Variants in TAS2R1 observed in about 807,000 individuals in gnomAD.
TAS2R1 encodes the protein taste 2 receptor member 1.
For synonymous variants in TAS2R1, 141 were observed against 134.2 expected (o/e 1.05, Z -0.35); for missense variants, 370 against 353.4 (o/e 1.05, Z -0.38).
intron 1 of TAS2R1, among the ~76,000 whole-genome samples, chr5:9,688,183 C>T (rs369900721): frequency 1.7e-4 from 26 of 152,220 alleles, no homozygotes; most frequent in East Asian, 1.4e-3. Flanking sequence ...AGAACCCATG[C>T]GATTTGACAT....
chr5:9,801,210 A>G, the TAS2R1 span, among the ~76,000 whole-genome samples: 2 of 152,228 alleles, frequency 1.3e-5, no homozygotes, highest in Non-Finnish European at 2.9e-5. Flanking sequence ...TCTTCTCTCC[A>G]CCATGTGAGG....
chr5:9,669,071 T>C (rs1211594146), intron 1 of TAS2R1, among the ~76,000 whole-genome samples: 1 of 152,120 alleles, frequency 6.6e-6, no homozygotes, highest in African/African-American at 2.4e-5. Flanking sequence ...AGAGAAACAC[T>C]GGCAAAGCAA....
At chr5:9,731,136 T>G in the TAS2R1 span, among the ~76,000 whole-genome samples, 1 of 151,922 alleles carries the variant, frequency 6.6e-6, no homozygotes, top group Admixed American at 6.5e-5. Context: ...CCACCTCCCC[T>G]CCCTGACCTG....
At chr5:9,754,392 T>G in the TAS2R1 span, among the ~76,000 whole-genome samples, 3 of 152,156 alleles carry the variant, frequency 2.0e-5, no homozygotes, top group Non-Finnish European at 4.4e-5. Flanking sequence ...AACATAGTCT[T>G]GGAAGTTCTG....
At chr5:9,636,242 G>A (rs1047773450) in intron 2 of TAS2R1, among the ~76,000 whole-genome samples, 4 of 152,032 alleles carry the variant, frequency 2.6e-5, no homozygotes, top group African/African-American at 9.7e-5. Context: ...TATTTGTATA[G>A]TTTTGAGAGT....
At chr5:9,768,455 G>A in the TAS2R1 span, among the ~76,000 whole-genome samples, 1 of 152,140 alleles carries the variant, frequency 6.6e-6, no homozygotes, top group Non-Finnish European at 1.5e-5. Context: ...TGACTTCCTA[G>A]GTCAGCGCTG....
At chr5:9,761,519 C>G in the TAS2R1 span, among the ~76,000 whole-genome samples, 1 of 152,048 alleles carries the variant, frequency 6.6e-6, no homozygotes, top group East Asian at 1.9e-4. Context: ...CTTGAAAACT[C>G]CAGAAGGATA....
At chr5:9,674,324 C>A (rs1291142412) in intron 1 of TAS2R1, among the ~76,000 whole-genome samples, 2 of 152,064 alleles carry the variant, frequency 1.3e-5, no homozygotes, top group African/African-American at 4.8e-5. Context: ...TTATGATAAA[C>A]AATAGTATAT....
chr5:9,844,933 CA>C, the TAS2R1 span, among the ~76,000 whole-genome samples: 2 of 152,132 alleles, frequency 1.3e-5, no homozygotes, highest in African/African-American at 4.8e-5. Flanking sequence ...TGTCAATTGT[CA>C]TCAAAAATTT....
intron 2 of TAS2R1, among the ~76,000 whole-genome samples, chr5:9,646,367 T>C (rs183209728): frequency 6.6e-6 from 1 of 152,284 alleles, no homozygotes; most frequent in East Asian, 1.9e-4. Context: ...AGAATGTCTT[T>C]GGCATTGACT....
the TAS2R1 span, among the ~76,000 whole-genome samples, chr5:9,730,533 C>CGCAT: frequency 2.0e-5 from 3 of 152,174 alleles, no homozygotes; most frequent in African/African-American, 7.2e-5. Flanking sequence ...CCTGGGGCAT[C>CGCAT]GCATGTCCCA....
At chr5:9,873,696 G>A in the TAS2R1 span, among the ~76,000 whole-genome samples, 8 of 151,808 alleles carry the variant, frequency 5.3e-5, no homozygotes, top group East Asian at 5.8e-4. Flanking sequence ...GTGAAACCCC[G>A]TCTCTACTAA....
At chr5:9,880,468 T>C in the TAS2R1 span, among the ~76,000 whole-genome samples, 11 of 152,252 alleles carry the variant, frequency 7.2e-5, no homozygotes, top group African/African-American at 2.7e-4. Flanking sequence ...AACCATTCTC[T>C]GTCGTAGATC....
chr5:9,719,948 A>AAAAAAAAC, the TAS2R1 span, among the ~76,000 whole-genome samples: 2 of 146,204 alleles, frequency 1.4e-5, no homozygotes, highest in African/African-American at 5.4e-5. Flanking sequence ...ACAAAAACAA[A>AAAAAAAAC]AACAAACTAC....
the TAS2R1 span, among the ~76,000 whole-genome samples, chr5:9,797,148 C>T: frequency 3.0e-4 from 46 of 152,096 alleles, no homozygotes; most frequent in Non-Finnish European, 4.4e-4. Context: ...CACAACTGTC[C>T]CCTAGACCAA....
At chr5:9,656,081 T>G (rs1740412273) in intron 2 of TAS2R1, among the ~76,000 whole-genome samples, 1 of 152,156 alleles carries the variant, frequency 6.6e-6, no homozygotes. Flanking sequence ...CTATCCAGTT[T>G]TCCTACAATC....
chr5:9,893,208 C>CTTT, the TAS2R1 span, among the ~76,000 whole-genome samples: 3 of 138,280 alleles, frequency 2.2e-5, no homozygotes, highest in Non-Finnish European at 3.1e-5. Flanking sequence ...GTTGCCCCAG[C>CTTT]TTTTTTTTTT....
chr5:9,743,723 T>C, the TAS2R1 span, among the ~76,000 whole-genome samples: 1 of 152,170 alleles, frequency 6.6e-6, no homozygotes, highest in African/African-American at 2.4e-5. Flanking sequence ...GGCATTTGCT[T>C]CCAGCAGATC....
chr5:9,860,925 G>T, the TAS2R1 span, among the ~76,000 whole-genome samples: 4 of 151,092 alleles, frequency 2.6e-5, no homozygotes, highest in Middle Eastern at 6.9e-3. Context: ...AGCCCCTCAA[G>T]AAATATGTTC....
Sources: allele counts gnomAD v4.1 joint callset (sites outside exome capture counted in the v4.1 genomes callset), GRCh38; gene constraint gnomAD v4.1.1; transcripts MANE v1.5; gene names NCBI Gene and HGNC (gene_info 2026-07-23, HGNC 2026-07-21).